Variants in SLC13A1 observed in about 807,000 individuals in gnomAD.
SLC13A1 encodes the protein solute carrier family 13 member 1, also known as Na(+)/sulfate cotransporter.
A neutral mutation model predicts 70.0 loss-of-function variants in SLC13A1; 65 were observed. That is an observed-to-expected ratio of 0.93 (90% CI 0.76 to 1.14). The LOEUF (loss-of-function observed/expected upper bound fraction) is 1.14, where lower values mean the gene tolerates loss of function less well. Ranked by LOEUF, SLC13A1 falls within the 50% of genes most tolerant of loss-of-function variation. SLC13A1 has a pLI of 0.00. For missense variants in SLC13A1, 726 were observed against 717.8 expected (o/e 1.01, Z -0.13); for synonymous variants, 275 against 250.5 (o/e 1.10, Z -0.92).
chr7:123,138,658 C>T (rs753616971), intron 7 of SLC13A1, among the ~76,000 whole-genome samples: 1 of 152,084 alleles, frequency 6.6e-6, no homozygotes, highest in East Asian at 1.9e-4. Context: ...ATTTACATTT[C>T]TCTGATGATC....
intron 9 of SLC13A1, 45 bp downstream of exon 9, chr7:123,129,324 CTGTGTGTGTGTGTG>C (rs3837116): frequency 0.094 from 73,166 of 775,022 alleles, 2,955 homozygotes; most frequent in African/African-American, 0.15. Flanking sequence ...TCTCTCTTCT[CTGTGTGTGTGTGTG>C]TGTGTGTGTG....
chr7:123,171,633 G>A (rs897743377), intron 3 of SLC13A1, 135 bp downstream of exon 3: 4 of 876,070 alleles, frequency 4.6e-6, no homozygotes, highest in Non-Finnish European at 5.4e-6. Context: ...TTTCATATTT[G>A]CAGAGGAAAA....
intron 6 of SLC13A1, chr7:123,149,393 G>A (rs938442371): frequency 3.4e-5 from 15 of 443,038 alleles, no homozygotes; most frequent in African/African-American, 2.4e-4. Flanking sequence ...CTAAGTCTAA[G>A]GTGGTAGATA....
intron 11 of SLC13A1, among the ~76,000 whole-genome samples, chr7:123,124,360 C>A (rs1369627696): frequency 1.3e-5 from 2 of 152,106 alleles, no homozygotes; most frequent in African/African-American, 4.8e-5. Flanking sequence ...TATTGCATCA[C>A]CTCCTTAACA....
intron 4 of SLC13A1, 73 bp from the exon 5 acceptor site, chr7:123,168,634 G>A (rs959224568): frequency 2.6e-5 from 27 of 1,040,806 alleles, no homozygotes; most frequent in African/African-American, 2.2e-4. Flanking sequence ...GTGTGGATGC[G>A]AAGATGGAAG....
chr7:123,183,397 C>T (rs1795699822), intron 1 of SLC13A1, among the ~76,000 whole-genome samples: 1 of 152,092 alleles, frequency 6.6e-6, no homozygotes, highest in African/African-American at 2.4e-5. Context: ...CCAGGGTCAC[C>T]TTTAGAGATT....
intron 9 of SLC13A1, 96 bp downstream of exon 9, chr7:123,129,287 A>G (rs1793669001): frequency 3.8e-6 from 4 of 1,058,180 alleles, no homozygotes. Flanking sequence ...TTGCTTTTCA[A>G]CAGCTACTTG....
In SLC13A1 at chr7:123,171,853, A is replaced by C; in HGVS notation, c.280T>G (p.Cys94Gly). 6.2e-7 allele frequency: 1 copy of C among 1,613,064 alleles called. No homozygotes were observed. The highest frequency in any genetic ancestry group is 1.1e-5 in the South Asian group (1 of 91,014). ...CATTTTTCTATGGATGTTGCTAAAC[A>C]GATAACTCCAATTAGCAGTAAGTGA... is the stretch of plus-strand genomic sequence containing the variant. ...DFHLLLIGVI[C>G]LATSIEKWNL... Residue 94 changes from cysteine to glycine, a missense_variant, in exon 3 of 15, where the codon TGT (cysteine) becomes GGT (glycine). By Grantham distance (159) the Cys-to-Gly change is radical. Transcript: ENST00000194130.
At chr7:123,119,346 TA>T in intron 12 of SLC13A1, 104 bp from the exon 13 acceptor site, 1 of 842,282 alleles carries the variant, frequency 1.2e-6, no homozygotes, top group Non-Finnish European at 1.8e-6. Context: ...ACTCACTTTC[TA>T]AAATATAATT....
intron 1 of SLC13A1, among the ~76,000 whole-genome samples, chr7:123,196,125 G>A (rs941274264): frequency 1.3e-5 from 2 of 152,028 alleles, no homozygotes; most frequent in Non-Finnish European, 1.5e-5. Context: ...TATATACTAG[G>A]CCAGTTTTAC....
chr7:123,171,855 A>G lies in SLC13A1; in HGVS notation c.278T>C (p.Ile93Thr), dbSNP rs1428391798. 33 of 1,613,610 alleles carry G rather than the reference A, an allele frequency of 2.0e-5. 1 individual carries two copies. The highest frequency in any genetic ancestry group is 3.3e-5 in the South Asian group (3 of 91,038). ...TTTTTCTATGGATGTTGCTAAACAG[A>G]TAACTCCAATTAGCAGTAAGTGAAA... is the stretch of plus-strand genomic sequence containing the variant. ...KDFHLLLIGVICLATSIEKWN... is the reference protein window; with the variant it reads ...KDFHLLLIGVTCLATSIEKWN... The change falls in exon 3 of 15, where the codon ATC becomes ACC. Residue 93 changes from isoleucine (I) to threonine (T), a missense_variant. By Grantham distance (89) the Ile-to-Thr change is moderately conservative (BLOSUM62 -1). Transcript: ENST00000194130.
chr7:123,167,603 A>G (rs1482220642), intron 6 of SLC13A1, among the ~76,000 whole-genome samples: 11 of 152,134 alleles, frequency 7.2e-5, no homozygotes, highest in Non-Finnish European at 1.5e-4. Context: ...GTCTTGAGAT[A>G]TATTGCTCCC....
intron 3 of SLC13A1, among the ~76,000 whole-genome samples, chr7:123,171,123 C>T (rs1795258414): frequency 6.6e-6 from 1 of 152,112 alleles, no homozygotes; most frequent in African/African-American, 2.4e-5. Context: ...TGCCACTATG[C>T]AAATGATTAT....
At chr7:123,117,710 G>A (rs924491394) in intron 13 of SLC13A1, 102 bp from the exon 14 acceptor site, 9 of 579,196 alleles carry the variant, frequency 1.6e-5, no homozygotes, top group Admixed American at 1.3e-4. Context: ...GAAGCATGTT[G>A]GAACCTAATG....
At chr7:123,132,397 C>T (rs1452795011) in intron 8 of SLC13A1, among the ~76,000 whole-genome samples, 1 of 152,074 alleles carries the variant, frequency 6.6e-6, no homozygotes, top group Non-Finnish European at 1.5e-5. Context: ...TTGAGACAGA[C>T]TTTTGCTCTT....
At chr7:123,162,051 C>T (rs1794930889) in intron 6 of SLC13A1, among the ~76,000 whole-genome samples, 1 of 147,454 alleles carries the variant, frequency 6.8e-6, no homozygotes. Flanking sequence ...TTAGAAAATA[C>T]CACTAGAAGA....
chr7:123,143,183 C>T (rs1563328544), intron 7 of SLC13A1, among the ~76,000 whole-genome samples: 2 of 152,210 alleles, frequency 1.3e-5, no homozygotes, highest in South Asian at 4.1e-4. Context: ...ATCTGTGCAA[C>T]CTGGAGTTAG....
intron 14 of SLC13A1, 26 bp from the exon 15 acceptor site, chr7:123,115,681 C>T (rs1793157046): frequency 6.2e-7 from 1 of 1,610,876 alleles, no homozygotes; most frequent in African/African-American, 1.3e-5. Flanking sequence ...GCATAAATGT[C>T]AGTGTCCCAG....
intron 14 of SLC13A1, among the ~76,000 whole-genome samples, chr7:123,116,317 T>C (rs1024183776): frequency 7.9e-5 from 12 of 152,230 alleles, no homozygotes; most frequent in African/African-American, 2.7e-4. Flanking sequence ...TTTGTTTTGG[T>C]AAATAAAGTT....
Sources: gnomAD v4.1 joint callset for allele counts (sites outside exome capture counted in the v4.1 genomes callset) on GRCh38, gnomAD v4.1.1 for gene constraint, MANE v1.5 for transcripts, NCBI Gene and HGNC (gene_info 2026-07-23, HGNC 2026-07-21) for gene names.